F10: variants seen among roughly 807,000 people sequenced by gnomAD.
F10 encodes coagulation factor X.
A neutral mutation model predicts 37.1 loss-of-function variants in F10; 29 were observed. The observed-to-expected ratio is 0.78, with a 90% CI of 0.58 to 1.07. The LOEUF is 1.07. F10 is among the 50% of genes least tolerant of loss of function. The pLI, the probability that F10 is intolerant of heterozygous loss-of-function variation, is 0.00. For synonymous variants in F10, 262 were observed against 268.6 expected (o/e 0.98, Z 0.24); for missense variants, 539 against 667.9 (o/e 0.81, Z 2.13).
chr13:113,129,767 G>A (rs544021829), intron 2 of F10, among the ~76,000 whole-genome samples, 155 bp downstream of exon 2: 17 of 152,334 alleles, frequency 1.1e-4, no homozygotes, highest in African/African-American at 4.1e-4. Context: ...CGAGGCCTCG[G>A]CGGAGTCCTG....
At position 113,139,444 on chromosome 13, in the gene F10, G is replaced by A; in HGVS notation, c.344G>A (p.Gly115Glu). 1 of 1,613,956 alleles carries A rather than the reference G, an allele frequency of 6.2e-7. No homozygotes were observed. The highest frequency in any genetic ancestry group is 8.5e-7 in the Non-Finnish European group (1 of 1,179,886). ...GAATACACCTGCACCTGTTTAGAAG[G>A]ATTCGAAGGCAAAAACTGTGAATTA... is the stretch of plus-strand genomic sequence containing the variant. ...LGEYTCTCLEGFEGKNCELFT... is the reference protein window; with the variant it reads ...LGEYTCTCLEEFEGKNCELFT... Residue 115 changes from glycine to glutamate, a missense_variant, in exon 4 of 8, where the codon GGA becomes GAA. Physicochemically the swap from Gly to Glu is moderately conservative, Grantham distance 98. Coordinates refer to ENST00000375559, the MANE Select transcript of F10 (RefSeq NM_000504.4). This position sits in a 1 kb window ranked among gnomAD's most constrained non-coding sequence, Gnocchi z 5.2.
At chr13:113,128,030 TCTA>T (rs1179570650) in intron 1 of F10, 5 of 151,878 alleles carry the variant, frequency 3.3e-5, no homozygotes, top group Non-Finnish European at 5.9e-5. Context: ...GGTGCATGGG[TCTA>T]GAGCAGGTGC....
Position 113,143,705 on chromosome 13 carries a change from G to A in F10, c.503-146G>A. On this transcript the variant is annotated intron_variant, in intron 5 of 7. Transcript: ENST00000375559. The surrounding 1 kb of genome is among the most constrained non-coding windows in gnomAD (Gnocchi z 6.8). ...GATCCGACCCCTGCCGACGACGTGG[G>A]GCCTCGCCCTGCAAGCCCGCTGCCC... The A allele has an allele frequency of 8.5e-5, 102 of 1,193,324 alleles. No individual in the cohort carries two copies. The highest frequency in any genetic ancestry group is 6.7e-4 in the Admixed American group (28 of 41,756). The allele number at this position is 1,193,324 out of a possible 1,614,324, so 73.9% of individuals were successfully genotyped here. A position where few individuals can be genotyped will look rare whatever the true frequency, so the allele number is the denominator to read the frequency against.
At chr13:113,124,996 T>C (rs1354763288) in intron 1 of F10, among the ~76,000 whole-genome samples, 2 of 152,176 alleles carry the variant, frequency 1.3e-5, no homozygotes, top group Non-Finnish European at 2.9e-5. Flanking sequence ...TGTTTTTCTG[T>C]CTTCTTTTCT....
intron 1 of F10, 113 bp downstream of exon 1, chr13:113,123,038 G>A: frequency 1.6e-6 from 2 of 1,270,130 alleles, no homozygotes; most frequent in South Asian, 2.5e-5. Context: ...CTTGAGTGCT[G>A]CCAGAGGCTG....
intron 2 of F10, chr13:113,131,042 T>C (rs1019791498): frequency 5.3e-5 from 8 of 151,482 alleles, no homozygotes; most frequent in African/African-American, 2.0e-4. Context: ...CCTGAGTGAC[T>C]TTCTGAGAAA....
chr13:113,142,291 C>A (rs2036536587), intron 5 of F10, among the ~76,000 whole-genome samples: 1 of 152,024 alleles, frequency 6.6e-6, no homozygotes, highest in Non-Finnish European at 1.5e-5. Context: ...CCTGTAATCC[C>A]AGCATTTTGG....
Position 113,143,323 on chromosome 13 carries a change from G to A in F10, c.503-528G>A, listed in dbSNP as rs934923615. 6.6e-6 allele frequency among the ~76,000 whole-genome samples: 1 copy of A among 152,166 alleles called. No homozygotes were observed. The highest frequency in any genetic ancestry group is 1.5e-5 in the Non-Finnish European group (1 of 68,026). ...GCTGTGCTATTCCAGACGCTCTCCT[G>A]TGCCTCCAGTTGTTTGCGTGCGCCA... On this transcript the variant is annotated intron_variant, in intron 5 of 7. Transcript: ENST00000375559. This position sits in a 1 kb window ranked among gnomAD's most constrained non-coding sequence, Gnocchi z 6.8.
At chr13:113,145,030 C>T (rs757049473) in intron 6 of F10, among the ~76,000 whole-genome samples, 22 of 152,194 alleles carry the variant, frequency 1.4e-4, no homozygotes, top group African/African-American at 4.6e-4. Flanking sequence ...AGGCGCCTGC[C>T]ACCACGCCCA....
Position 113,141,179 on chromosome 13 carries a change from G to T in F10, c.502+129G>T. ...TGGCAGGTAACAGTGACACCAAGAG[G>T]ACAGGACTGAGCCCTGGGCTCCGGG... On this transcript the variant is annotated intron_variant, in intron 5 of 7. Coordinates refer to ENST00000375559, the MANE Select transcript of F10 (RefSeq NM_000504.4). The surrounding 1 kb of genome is among the most constrained non-coding windows in gnomAD (Gnocchi z 5.4). 2.2e-6 allele frequency: 3 copies of T among 1,344,642 alleles called. No individual in the cohort carries two copies. The highest frequency in any genetic ancestry group is 3.1e-6 in the Non-Finnish European group (3 of 973,430). The allele number at this position is 1,344,642 out of a possible 1,614,324, so 83.3% of individuals were successfully genotyped here.
intron 1 of F10, among the ~76,000 whole-genome samples, chr13:113,124,617 A>G (rs2142246813): frequency 6.6e-6 from 1 of 152,346 alleles, no homozygotes; most frequent in South Asian, 2.1e-4. Context: ...TGCTGTGCAC[A>G]CTTTTGATTT....
At chr13:113,140,640 G>C in intron 4 of F10, 1 of 642,870 alleles carries the variant, frequency 1.6e-6, no homozygotes, top group Non-Finnish European at 3.0e-6. Context: ...ACCGTAATGT[G>C]AGTGCTGCTG....
Position 113,146,535 on chromosome 13 carries a change from C to G in F10, c.748-844C>G, listed in dbSNP as rs186365278. 6.6e-6 allele frequency among the ~76,000 whole-genome samples: 1 copy of G among 152,336 alleles called. No homozygotes were observed. Among genetic ancestry groups the G allele is most frequent in the African/African-American group, 2.4e-5 (1 of 41,572 alleles). Reference sequence around the variant, plus strand: ...TCGAGTCTTGGCAAGTGGGCCTCATCTGCATCTTTAGGAAGAATGGTTGGT... The same window carrying G: ...TCGAGTCTTGGCAAGTGGGCCTCATGTGCATCTTTAGGAAGAATGGTTGGT... On this transcript the variant is annotated intron_variant, in intron 6 of 7. Coordinates refer to ENST00000375559, the MANE Select transcript of F10 (RefSeq NM_000504.4). This position sits in a 1 kb window ranked among gnomAD's most constrained non-coding sequence, Gnocchi z 4.5.
At position 113,136,633 on chromosome 13, in the gene F10, CTTTTTTTTTTTTTTTTTTTTTT is replaced by C; in HGVS notation, c.232-1810_232-1789del. Among the ~76,000 whole-genome samples, 2 of 6,020 alleles carry C rather than the reference CTTTTTTTTTTTTTTTTTTTTTT, an allele frequency of 3.3e-4. 1 individual carries two copies. Among genetic ancestry groups the C allele is most frequent in the East Asian group, 0.023 (2 of 86 alleles). 3.9% of individuals were successfully genotyped at this position (6,020 alleles called of 152,430 possible). A position where few individuals can be genotyped will look rare whatever the true frequency, so the allele number is the denominator to read the frequency against. On this transcript the variant is annotated intron_variant, in intron 2 of 7. Coordinates refer to ENST00000375559, the MANE Select transcript of F10 (RefSeq NM_000504.4). ...CCACCATGGCAGGCTAATTCTTGTA[CTTTTTTTTTTTTTTTTTTTTTT>C]TTTTTTTTTTTTTGAGACGGAGTCT...
intron 1 of F10, 26 bp downstream of exon 1, chr13:113,122,951 C>A (rs1206225000): frequency 1.9e-6 from 3 of 1,606,348 alleles, no homozygotes; most frequent in African/African-American, 2.7e-5. Flanking sequence ...CCTTCAGACC[C>A]AAAAGCAGCG....
At chr13:113,145,068 G>A (rs917258383) in intron 6 of F10, among the ~76,000 whole-genome samples, 1 of 152,156 alleles carries the variant, frequency 6.6e-6, no homozygotes, top group African/African-American at 2.4e-5. Context: ...TTTTAGTAGA[G>A]ACGGGGTTTC....
rs969950681 is a variant in F10, at chr13:113,143,057, G to A, written c.503-794G>A. On this transcript the variant is annotated intron_variant, in intron 5 of 7. Transcript: ENST00000375559. The surrounding 1 kb of genome is among the most constrained non-coding windows in gnomAD (Gnocchi z 6.8). Reference sequence around the variant, plus strand: ...GGCCCCTGCGGCTGGCAGATTCACCGGAGCCTCCTCAGACTGCGCAGGAGC... The same window carrying A: ...GGCCCCTGCGGCTGGCAGATTCACCAGAGCCTCCTCAGACTGCGCAGGAGC... Among the ~76,000 whole-genome samples the A allele has an allele frequency of 7.2e-5, 11 of 152,032 alleles. No individual in the cohort carries two copies. The highest frequency in any genetic ancestry group is 1.9e-4 in the African/African-American group (8 of 41,374).
At position 113,147,300 on chromosome 13, in the gene F10, C is replaced by T. The variant is rs1031929463; in HGVS notation, c.748-79C>T. On this transcript the variant is annotated intron_variant, in intron 6 of 7. Coordinates refer to ENST00000375559, the MANE Select transcript of F10 (RefSeq NM_000504.4). ...TGGCATGGGGAGGGCCGGGCAGTGC[C>T]ACCTGAAGAGCTGGCTTCTCAGTCA... 9 of 955,858 alleles carry T rather than the reference C, an allele frequency of 9.4e-6. No individual in the cohort carries two copies. In the African/African-American group the frequency reaches 1.1e-4, roughly 12 times the overall value. 59.2% of individuals were successfully genotyped at this position (955,858 alleles called of 1,614,324 possible).
intron 1 of F10, chr13:113,128,691 C>T (rs2036393727): frequency 6.6e-6 from 1 of 152,172 alleles, no homozygotes; most frequent in South Asian, 2.1e-4. Flanking sequence ...GAAACTCCAT[C>T]TCTACTAAAA....
Sources: gnomAD v4.1 joint callset for allele counts (sites outside exome capture counted in the v4.1 genomes callset) on GRCh38, gnomAD v4.1.1 for gene constraint, Gnocchi (gnomAD v3.1) non-coding constraint, MANE v1.5 for transcripts, NCBI Gene and HGNC (gene_info 2026-07-23, HGNC 2026-07-21) for gene names.